ZNRF1: variants seen among roughly 807,000 people sequenced by gnomAD.
The protein encoded by ZNRF1 is zinc and ring finger 1.
In ZNRF1, 3 loss-of-function variants were observed where a neutral mutation model predicts 18.4. That is an observed-to-expected ratio of 0.16 (90% CI 0.07 to 0.42). The LOEUF is 0.42. Among genes scored for constraint, ZNRF1 ranks in the 10% least tolerant of loss-of-function variants. ZNRF1 has a pLI of 0.99. For missense variants in ZNRF1, 310 were observed against 329.8 expected (o/e 0.94, Z 0.47); for synonymous variants, 157 against 144.2 (o/e 1.09, Z -0.64).
chr16:75,099,002 G>T (rs2036228496), intron 2 of ZNRF1, among the ~76,000 whole-genome samples: 1 of 152,202 alleles, frequency 6.6e-6, no homozygotes, highest in Non-Finnish European at 1.5e-5. Context: ...CAGTGACCAG[G>T]TTCCTCCATC....
chr16:75,079,809 C>G (rs2035987969), intron 1 of ZNRF1, among the ~76,000 whole-genome samples: 1 of 152,198 alleles, frequency 6.6e-6, no homozygotes, highest in South Asian at 2.1e-4. Context: ...CAGAGGATGC[C>G]CTGATGACAG....
At chr16:75,065,574 A>T (rs570160249) in intron 1 of ZNRF1, among the ~76,000 whole-genome samples, 1 of 152,310 alleles carries the variant, frequency 6.6e-6, no homozygotes, top group African/African-American at 2.4e-5. Flanking sequence ...TAGAAAGCTT[A>T]AAGTTAAAGG....
At chr16:75,099,909 G>A (rs1331189920) in intron 2 of ZNRF1, among the ~76,000 whole-genome samples, 3 of 152,192 alleles carry the variant, frequency 2.0e-5, no homozygotes, top group East Asian at 3.8e-4. Context: ...AGGGACATCC[G>A]GAGGCCACTA....
intron 1 of ZNRF1, among the ~76,000 whole-genome samples, chr16:75,050,567 A>T (rs1297642682): frequency 2.0e-5 from 3 of 151,580 alleles, no homozygotes; most frequent in Admixed American, 6.6e-5. Flanking sequence ...TATTAAAAAA[A>T]AAATAAAAAT....
chr16:75,101,568 C>G (rs2036256032), intron 2 of ZNRF1, among the ~76,000 whole-genome samples: 1 of 152,064 alleles, frequency 6.6e-6, no homozygotes, highest in Admixed American at 6.6e-5. Context: ...AGAGAACGCC[C>G]CTATTACATA....
intron 1 of ZNRF1, among the ~76,000 whole-genome samples, chr16:75,043,411 GTTC>G (rs141057983): frequency 2.0e-5 from 3 of 152,242 alleles, no homozygotes; most frequent in Non-Finnish European, 2.9e-5. Context: ...AAATTTGGCT[GTTC>G]TTCTTTTACA....
chr16:75,096,436 A>C (rs1016959354), intron 2 of ZNRF1, among the ~76,000 whole-genome samples: 9 of 152,080 alleles, frequency 5.9e-5, no homozygotes, highest in African/African-American at 1.7e-4. Context: ...AAAGCTCAGG[A>C]GCTCCAATGT....
intron 1 of ZNRF1, among the ~76,000 whole-genome samples, chr16:75,090,400 G>T (rs1291861802): frequency 6.6e-6 from 1 of 152,060 alleles, no homozygotes; most frequent in Non-Finnish European, 1.5e-5. Flanking sequence ...TCCTTTTTGT[G>T]GAGAACGGGG....
At chr16:75,079,169 T>A (rs558568507) in intron 1 of ZNRF1, among the ~76,000 whole-genome samples, 1 of 152,268 alleles carries the variant, frequency 6.6e-6, no homozygotes, top group South Asian at 2.1e-4. Flanking sequence ...GTGCTTTCTG[T>A]CTGGAGAGTC....
intron 1 of ZNRF1, among the ~76,000 whole-genome samples, chr16:75,034,801 A>T (rs1014531926): frequency 6.6e-6 from 1 of 150,518 alleles, no homozygotes; most frequent in Non-Finnish European, 1.5e-5. Flanking sequence ...TAATTTTTGT[A>T]ATTTTAGTAG....
intron 1 of ZNRF1, among the ~76,000 whole-genome samples, chr16:75,010,711 GTTTTT>G (rs67210395): frequency 3.8e-4 from 28 of 74,312 alleles, no homozygotes; most frequent in Admixed American, 4.8e-4. Flanking sequence ...GTTTTTTTTT[GTTTTT>G]TTGTTTTTTT....
In ZNRF1 at chr16:75,090,500, G is replaced by A. The variant is rs930016692; in HGVS notation, c.425-3072G>A. Among the ~76,000 whole-genome samples, 14 of 152,108 alleles carry A rather than the reference G, an allele frequency of 9.2e-5. No individual in the cohort carries two copies. In the South Asian group the frequency reaches 1.0e-3, roughly 11 times the overall value. ...CTCAAAATGCTGGGATTACAGGCGT[G>A]AGCCACCACACCAGGCCTGGTCTTC... is the stretch of plus-strand genomic sequence containing the variant. On this transcript the variant is annotated intron_variant, in intron 1 of 4. Transcript: ENST00000335325.
In ZNRF1 at chr16:75,013,830, A is replaced by T. The variant is rs534383690; in HGVS notation, c.424+13735A>T. Among the ~76,000 whole-genome samples, 77 of 151,904 alleles carry T rather than the reference A, an allele frequency of 5.1e-4. No individual in the cohort carries two copies. The South Asian group carries it at 0.012, about 23-fold the overall frequency. On this transcript the variant is annotated intron_variant, in intron 1 of 4. Transcript: ENST00000335325. Reference sequence around the variant, plus strand: ...TTATTTATTTATTTATTTTTAATTTAATTTTATTTTTTTTTTCGAGACGGA... The same window carrying T: ...TTATTTATTTATTTATTTTTAATTTTATTTTATTTTTTTTTTCGAGACGGA...
At chr16:75,096,935 G>A (rs191439976) in intron 2 of ZNRF1, among the ~76,000 whole-genome samples, 49 of 152,260 alleles carry the variant, frequency 3.2e-4, no homozygotes, top group Non-Finnish European at 1.3e-4. Context: ...CCTGGCTGGG[G>A]AAGTTTGGGA....
intron 1 of ZNRF1, among the ~76,000 whole-genome samples, chr16:75,077,943 A>G (rs2035962444): frequency 6.6e-6 from 1 of 152,224 alleles, no homozygotes; most frequent in Non-Finnish European, 1.5e-5. Flanking sequence ...CACCTGAATA[A>G]GGTTCTGTAT....
chr16:75,000,681 G>C (rs1286371972), intron 1 of ZNRF1, among the ~76,000 whole-genome samples: 4 of 152,202 alleles, frequency 2.6e-5, no homozygotes, highest in Non-Finnish European at 4.4e-5. Context: ...CTGCTGTACG[G>C]AGGGCCCAGC....
intron 1 of ZNRF1, among the ~76,000 whole-genome samples, chr16:75,059,536 G>A (rs2035717025): frequency 6.6e-6 from 1 of 152,018 alleles, no homozygotes; most frequent in South Asian, 2.1e-4. Flanking sequence ...TGCAGTGGGG[G>A]TATCAGAGAA....
At chr16:75,036,737 A>T (rs1676701178) in intron 1 of ZNRF1, among the ~76,000 whole-genome samples, 2 of 152,186 alleles carry the variant, frequency 1.3e-5, no homozygotes, top group South Asian at 4.1e-4. Context: ...CCTTTGTGAT[A>T]ACTGGGTAAA....
At chr16:75,000,730 G>T (rs1239317522) in intron 1 of ZNRF1, among the ~76,000 whole-genome samples, 1 of 152,186 alleles carries the variant, frequency 6.6e-6, no homozygotes, top group African/African-American at 2.4e-5. Flanking sequence ...CCCGGGCTGT[G>T]GTCACCCGTA....
Sources: gnomAD v4.1 joint callset for allele counts (sites outside exome capture counted in the v4.1 genomes callset) on GRCh38, gnomAD v4.1.1 for gene constraint, MANE v1.5 for transcripts, NCBI Gene and HGNC (gene_info 2026-07-23, HGNC 2026-07-21) for gene names.